The following KCNN3 variants were observed in gnomAD, a reference collection of about 807,000 sequenced individuals.
The protein encoded by KCNN3 is potassium calcium-activated channel subfamily N member 3.
Under a neutral mutation model 62.9 loss-of-function variants are expected in KCNN3, and 16 were observed. That is an observed-to-expected ratio of 0.25 (90% CI 0.17 to 0.39). KCNN3 has a LOEUF of 0.39. Ranked by LOEUF, KCNN3 falls within the 10% of genes least tolerant of loss-of-function variation. KCNN3 has a pLI of 1.00. For missense variants in KCNN3, 599 were observed against 949.4 expected (o/e 0.63, Z 4.85); for synonymous variants, 370 against 389.2 (o/e 0.95, Z 0.58).
chr1:154,717,626 C>T (rs1486010067), intron 5 of KCNN3, among the ~76,000 whole-genome samples: 1 of 151,708 alleles, frequency 6.6e-6, no homozygotes, highest in Non-Finnish European at 1.5e-5. Flanking sequence ...CTGCACTTAA[C>T]GTCAGCCCAA....
intron 3 of KCNN3, among the ~76,000 whole-genome samples, chr1:154,747,468 A>T (rs1356165580): frequency 6.6e-6 from 1 of 152,150 alleles, no homozygotes; most frequent in Non-Finnish European, 1.5e-5. Flanking sequence ...TGGGGCTAAT[A>T]GTAGTTGAAG....
chr1:154,846,505 G>C (rs557608483), intron 1 of KCNN3, among the ~76,000 whole-genome samples: 1 of 152,256 alleles, frequency 6.6e-6, no homozygotes, highest in East Asian at 1.9e-4. Flanking sequence ...TAGAAGTGCC[G>C]GTACACAGCA....
chr1:154,859,799 C>T, intron 1 of KCNN3: 1 of 1,613,530 alleles, frequency 6.2e-7, no homozygotes, highest in East Asian at 2.2e-5. Context: ...GGAGTAGGTG[C>T]CAGCTCAGTC....
At chr1:154,718,231 T>A (rs1571207580) in intron 5 of KCNN3, among the ~76,000 whole-genome samples, 1 of 152,186 alleles carries the variant, frequency 6.6e-6, no homozygotes, top group Non-Finnish European at 1.5e-5. Context: ...CCAAAACCCA[T>A]AAACAAATTG....
At chr1:154,710,765 G>C (rs925908583) in intron 7 of KCNN3, among the ~76,000 whole-genome samples, 1 of 152,246 alleles carries the variant, frequency 6.6e-6, no homozygotes, top group African/African-American at 2.4e-5. Context: ...CTGGCCATCA[G>C]AGAAATGCAA....
In KCNN3 at chr1:154,772,031, G is replaced by A. The variant is rs367863664; in HGVS notation, c.1392C>T (p.Leu464=). Residue 464 remains leucine (L), a synonymous_variant, in exon 3 of 8, where the codon CTC becomes CTT. Transcript: ENST00000271915. The surrounding 1 kb of genome is among the most constrained non-coding windows in gnomAD (Gnocchi z 5.6). ...LMTICPGTVL[L]VFSISLWIIA... is the part of the protein sequence containing the mutation. ...TGATCCACAGAGAGATGCTGAACAC[G>A]AGCAGCACAGTGCCAGGGCAGATGG... is the stretch of plus-strand genomic sequence containing the variant. 28 of 1,614,040 alleles carry A rather than the reference G, an allele frequency of 1.7e-5. No homozygotes were observed. The highest frequency in any genetic ancestry group is 2.7e-5 in the African/African-American group (2 of 74,912).
chr1:154,774,688 A>G (rs1648718219), intron 2 of KCNN3, among the ~76,000 whole-genome samples: 1 of 152,242 alleles, frequency 6.6e-6, no homozygotes. Flanking sequence ...ATCCCACTCA[A>G]GACTCCAGCC....
intron 1 of KCNN3, among the ~76,000 whole-genome samples, chr1:154,861,728 T>G (rs1652779815): frequency 6.6e-6 from 1 of 152,216 alleles, no homozygotes; most frequent in African/African-American, 2.4e-5. Flanking sequence ...ATGGATGCCA[T>G]CTGGGTGCTG....
At chr1:154,817,569 C>T (rs1013929197) in intron 2 of KCNN3, among the ~76,000 whole-genome samples, 3 of 152,250 alleles carry the variant, frequency 2.0e-5, no homozygotes, top group African/African-American at 7.2e-5. Context: ...GCCACCTACA[C>T]ACTAAATGTG....
At position 154,869,677 on chromosome 1, in the gene KCNN3, G is replaced by A. The variant is rs766786050; in HGVS notation, c.288C>T (p.Val96=). ...SQLAQLQSQP[V]HPGLLHSSPT... is the part of the protein sequence containing the mutation. The stretch of plus-strand genomic sequence containing the variant: ...GAGAGGAGTGCAGCAGGCCAGGGTG[G>A]ACGGGCTGGCTCTGGAGTTGGGCGA... Residue 96 remains valine, a synonymous_variant, in exon 1 of 8, where the codon GTC becomes GTT. Coordinates refer to ENST00000271915, the MANE Select transcript of KCNN3 (RefSeq NM_002249.6). This position sits in a 1 kb window ranked among gnomAD's most constrained non-coding sequence, Gnocchi z 6.1. The A allele has an allele frequency of 1.2e-6, 2 of 1,600,262 alleles. No individual in the cohort carries two copies. The highest frequency in any genetic ancestry group is 2.7e-5 in the African/African-American group (2 of 74,402).
intron 3 of KCNN3, among the ~76,000 whole-genome samples, chr1:154,749,886 A>C (rs564980180): frequency 2.6e-5 from 4 of 152,292 alleles, no homozygotes; most frequent in South Asian, 4.1e-4. Flanking sequence ...GACCACAAGC[A>C]GCCTGCCCAG....
At chr1:154,710,485 A>T (rs919023774) in intron 7 of KCNN3, among the ~76,000 whole-genome samples, 6 of 151,666 alleles carry the variant, frequency 4.0e-5, no homozygotes, top group Admixed American at 1.3e-4. Flanking sequence ...TTTCCTGCAC[A>T]CTCTTTCTTT....
chr1:154,784,907 G>A (rs1226534461), intron 2 of KCNN3, among the ~76,000 whole-genome samples: 1 of 152,242 alleles, frequency 6.6e-6, no homozygotes, highest in Non-Finnish European at 1.5e-5. Flanking sequence ...ATAAGGGGCA[G>A]ACCTAGGCTC....
intron 2 of KCNN3, among the ~76,000 whole-genome samples, chr1:154,820,888 C>T (rs923884425): frequency 6.6e-6 from 1 of 152,200 alleles, no homozygotes; most frequent in African/African-American, 2.4e-5. Flanking sequence ...CCACAGTGGC[C>T]CCTGACCTTC....
At chr1:154,748,523 G>A (rs992061466) in intron 3 of KCNN3, among the ~76,000 whole-genome samples, 1 of 152,204 alleles carries the variant, frequency 6.6e-6, no homozygotes, top group African/African-American at 2.4e-5. Context: ...AAGACTGGAT[G>A]CTAATCTTAT....
intron 1 of KCNN3, among the ~76,000 whole-genome samples, chr1:154,825,962 G>A (rs1423934985): frequency 1.3e-5 from 2 of 151,366 alleles, no homozygotes; most frequent in Non-Finnish European, 2.9e-5. Flanking sequence ...GCAGGAGAAC[G>A]GCATGAACCC....
intron 1 of KCNN3, among the ~76,000 whole-genome samples, chr1:154,832,785 C>T (rs1309861111): frequency 6.6e-6 from 1 of 152,180 alleles, no homozygotes; most frequent in Non-Finnish European, 1.5e-5. Context: ...CTGACTAGAA[C>T]CAAACCAGCC....
chr1:154,750,143 A>G (rs1033172951), intron 3 of KCNN3, among the ~76,000 whole-genome samples: 5 of 152,216 alleles, frequency 3.3e-5, no homozygotes, highest in African/African-American at 1.2e-4. Context: ...GAAGGTCAAC[A>G]CTATATGGAG....
chr1:154,868,986 A>C, intron 1 of KCNN3, 46 bp downstream of exon 1: 1 of 1,568,360 alleles, frequency 6.4e-7, no homozygotes, highest in South Asian at 1.1e-5. Flanking sequence ...CTTGCTACCT[A>C]CATATTCCTT....
Sources: gnomAD v4.1 joint callset for allele counts (sites outside exome capture counted in the v4.1 genomes callset) on GRCh38, gnomAD v4.1.1 for gene constraint, Gnocchi (gnomAD v3.1) non-coding constraint, MANE v1.5 for transcripts, NCBI Gene and HGNC (gene_info 2026-07-23, HGNC 2026-07-21) for gene names.